Variants in DPP10 observed in about 807,000 individuals in gnomAD.
The protein encoded by DPP10 is dipeptidyl peptidase like 10.
A neutral mutation model predicts 120.9 loss-of-function variants in DPP10; 33 were observed. The observed-to-expected ratio is 0.27, with a 90% confidence interval of 0.21 to 0.37. The LOEUF (loss-of-function observed/expected upper bound fraction) is 0.37, where lower values mean the gene tolerates loss of function less well. Ranked by LOEUF, DPP10 falls within the 10% of genes least tolerant of loss-of-function variation. DPP10 has a pLI of 1.00. For synonymous variants in DPP10, 337 were observed against 326.1 expected (o/e 1.03, Z -0.36); for missense variants, 816 against 942.8 (o/e 0.87, Z 1.76).
chr2:114,590,461 G>A (rs1022222979), intron 1 of DPP10, among the ~76,000 whole-genome samples: 1 of 152,140 alleles, frequency 6.6e-6, no homozygotes, highest in Non-Finnish European at 1.5e-5. Flanking sequence ...TGGATTTTTT[G>A]TGTTATTCAC....
chr2:115,802,641 C>T (rs1685401260), intron 19 of DPP10, among the ~76,000 whole-genome samples: 2 of 152,128 alleles, frequency 1.3e-5, no homozygotes, highest in Admixed American at 6.5e-5. Flanking sequence ...TCTTTGTTCT[C>T]ATTGGTTTCA....
chr2:114,447,703 G>C (rs1259184294), intron 1 of DPP10, among the ~76,000 whole-genome samples: 1 of 152,120 alleles, frequency 6.6e-6, no homozygotes, highest in Non-Finnish European at 1.5e-5. Flanking sequence ...GTTACCACTG[G>C]TAACTCTACA....
intron 1 of DPP10, chr2:115,064,789 T>A: frequency 7.7e-7 from 1 of 1,304,272 alleles, no homozygotes; most frequent in South Asian, 1.2e-5. Flanking sequence ...GAGGGACCAG[T>A]AGATGGTTCT....
Position 115,419,168 on chromosome 2 carries a change from C to T in DPP10, c.271+75256C>T, listed in dbSNP as rs188038506. Among the ~76,000 whole-genome samples, 26 of 152,180 alleles carry T rather than the reference C, an allele frequency of 1.7e-4. 1 individual carries two copies. In the East Asian group the frequency reaches 4.6e-3, roughly 27 times the overall value. On this transcript the variant is annotated intron_variant, in intron 3 of 25. Transcript: ENST00000410059. ...TCACAGCATAGTAAGTTTTGGATGC[C>T]TACTAGACATCTAAGATAAAATTTC...
chr2:115,697,108 A>G (rs2091634488), intron 7 of DPP10, among the ~76,000 whole-genome samples: 1 of 152,164 alleles, frequency 6.6e-6, no homozygotes, highest in Non-Finnish European at 1.5e-5. Context: ...TGAGAATGGA[A>G]TTAAAACATT....
intron 19 of DPP10, among the ~76,000 whole-genome samples, chr2:115,791,666 A>G (rs1684005511): frequency 6.6e-6 from 1 of 152,184 alleles, no homozygotes; most frequent in African/African-American, 2.4e-5. Context: ...TCAGTTGTTT[A>G]TGCAACATTG....
intron 1 of DPP10, among the ~76,000 whole-genome samples, chr2:114,552,000 G>A (rs538969573): frequency 6.6e-6 from 1 of 152,338 alleles, no homozygotes; most frequent in East Asian, 1.9e-4. Flanking sequence ...CCACGTTAAT[G>A]AGACAGAAAG....
intron 1 of DPP10, among the ~76,000 whole-genome samples, chr2:115,064,107 A>G (rs2105409822): frequency 6.6e-6 from 1 of 152,210 alleles, no homozygotes; most frequent in South Asian, 2.1e-4. Context: ...ATAGCTAGAT[A>G]TGGGATTGTT....
chr2:115,690,022 A>T, intron 7 of DPP10, 101 bp downstream of exon 7: 2 of 1,173,402 alleles, frequency 1.7e-6, no homozygotes, highest in Non-Finnish European at 2.4e-6. Context: ...TTGTCCTACA[A>T]AACTTTATGT....
At chr2:114,594,645 A>G (rs1691757717) in intron 1 of DPP10, among the ~76,000 whole-genome samples, 1 of 146,566 alleles carries the variant, frequency 6.8e-6, no homozygotes, top group African/African-American at 2.5e-5. Flanking sequence ...CCTCTTGGGG[A>G]GAGGTCAAAA....
chr2:114,483,363 C>T (rs978339940), intron 1 of DPP10, among the ~76,000 whole-genome samples: 2 of 151,954 alleles, frequency 1.3e-5, no homozygotes, highest in Non-Finnish European at 2.9e-5. Context: ...ACCATGTAGA[C>T]AGTTTGAAAA....
At chr2:114,694,933 AT>A (rs1216973929) in intron 1 of DPP10, among the ~76,000 whole-genome samples, 1 of 152,048 alleles carries the variant, frequency 6.6e-6, no homozygotes. Context: ...AAGAAACTAC[AT>A]GATATTTAAT....
intron 1 of DPP10, among the ~76,000 whole-genome samples, chr2:114,981,989 G>A (rs551517725): frequency 2.6e-5 from 4 of 151,384 alleles, no homozygotes; most frequent in Admixed American, 6.6e-5. Flanking sequence ...CCACCTCCTG[G>A]GTTCAAGTGA....
At chr2:115,476,853 G>T (rs1357531353) in intron 3 of DPP10, among the ~76,000 whole-genome samples, 1 of 152,062 alleles carries the variant, frequency 6.6e-6, no homozygotes, top group Non-Finnish European at 1.5e-5. Context: ...TGCTAGGATG[G>T]TTCAACATAT....
At chr2:115,341,853 A>G (rs1326474889) in intron 2 of DPP10, among the ~76,000 whole-genome samples, 1 of 152,162 alleles carries the variant, frequency 6.6e-6, no homozygotes, top group Non-Finnish European at 1.5e-5. Flanking sequence ...ATTGAAGGAC[A>G]TCTTGGTTGC....
At chr2:115,708,527 T>A (rs959551883) in intron 7 of DPP10, among the ~76,000 whole-genome samples, 1 of 151,972 alleles carries the variant, frequency 6.6e-6, no homozygotes, top group Non-Finnish European at 1.5e-5. Context: ...GATATGGGGG[T>A]GAATAATGTC....
intron 1 of DPP10, among the ~76,000 whole-genome samples, chr2:114,760,819 T>C (rs1052712899): frequency 1.3e-5 from 2 of 152,154 alleles, no homozygotes; most frequent in African/African-American, 2.4e-5. Flanking sequence ...TTCATAAAGA[T>C]TGAATATTGT....
At position 115,233,658 on chromosome 2, in the gene DPP10, C is replaced by T. The variant is rs535774934; in HGVS notation, c.61-75581C>T. 9.9e-5 allele frequency among the ~76,000 whole-genome samples: 15 copies of T among 152,250 alleles called. No homozygotes were observed. In the South Asian group the frequency reaches 3.1e-3, roughly 32 times the overall value. On this transcript the variant is annotated intron_variant, in intron 1 of 25. Coordinates refer to ENST00000410059, the MANE Select transcript of DPP10 (RefSeq NM_020868.6). Reference sequence around the variant, plus strand: ...GACTCTGGGTCTCCCCTAGAGTTTCCTGGAATGAGCACTTAGTCTCTGCAA... The same window carrying T: ...GACTCTGGGTCTCCCCTAGAGTTTCTTGGAATGAGCACTTAGTCTCTGCAA...
At chr2:114,772,159 T>G (rs1316078459) in intron 1 of DPP10, among the ~76,000 whole-genome samples, 4 of 151,290 alleles carry the variant, frequency 2.6e-5, no homozygotes, top group Non-Finnish European at 5.9e-5. Context: ...ATATTATTAT[T>G]AATATTATTA....
Sources: allele counts gnomAD v4.1 joint callset (sites outside exome capture counted in the v4.1 genomes callset), GRCh38; gene constraint gnomAD v4.1.1; transcripts MANE v1.5; gene names NCBI Gene and HGNC (gene_info 2026-07-23, HGNC 2026-07-21).